MAD1L1: variants seen among roughly 807,000 people sequenced by gnomAD.
The protein encoded by MAD1L1 is mitotic spindle assembly checkpoint protein MAD1.
A neutral mutation model predicts 96.9 loss-of-function variants in MAD1L1; 95 were observed. The ratio of observed to expected loss-of-function variants is 0.98; its 90% CI spans 0.83 to 1.16. The LOEUF (loss-of-function observed/expected upper bound fraction) is 1.16, where lower values mean the gene tolerates loss of function less well. Ranked by LOEUF, MAD1L1 falls within the 50% of genes most tolerant of loss-of-function variation. MAD1L1 has a pLI of 0.00. For missense variants in MAD1L1, 1,007 were observed against 954.4 expected, an observed-to-expected ratio of 1.06 and a Z score of -0.73; for synonymous variants, 473 against 396.6, an observed-to-expected ratio of 1.19 and a Z score of -2.29.
At chr7:2,117,965 T>C (rs1282312163) in intron 11 of MAD1L1, among the ~76,000 whole-genome samples, 2 of 152,172 alleles carry the variant, frequency 1.3e-5, no homozygotes, top group African/African-American at 2.4e-5. Flanking sequence ...CCCAGTCCCT[T>C]GCACAGCAAT....
chr7:2,167,172 G>A lies in MAD1L1; in HGVS notation c.987-17934C>T, dbSNP rs145693824. ...AACGGAGGTGCTGCTGCAAGTGGGC[G>A]CAGTAGCAGGCAGGTCAGGGAAAAC... On this transcript the variant is annotated intron_variant, in intron 10 of 18. Coordinates refer to ENST00000265854, the MANE Select transcript of MAD1L1 (RefSeq NM_001013836.2). 7.2e-3 allele frequency among the ~76,000 whole-genome samples: 1,089 copies of A among 152,274 alleles called. 6 individuals carry two copies. Among genetic ancestry groups the A allele is most frequent in the South Asian group, 0.019 (94 of 4,828 alleles).
At chr7:1,974,359 C>T (rs1295918659) in intron 15 of MAD1L1, among the ~76,000 whole-genome samples, 1 of 152,160 alleles carries the variant, frequency 6.6e-6, no homozygotes, top group Non-Finnish European at 1.5e-5. Flanking sequence ...GAGTAAGGTC[C>T]AACACTGGCA....
chr7:2,054,305 G>T (rs191283212), intron 12 of MAD1L1, among the ~76,000 whole-genome samples: 4 of 152,228 alleles, frequency 2.6e-5, no homozygotes, highest in Non-Finnish European at 5.9e-5. Flanking sequence ...CAGAGACGGC[G>T]GTCGGGCGCA....
At position 2,218,489 on chromosome 7, in the gene MAD1L1, C is replaced by CA. The variant is rs545829500; in HGVS notation, c.597-447_597-446insT. Among the ~76,000 whole-genome samples, 371 of 152,320 alleles carry CA rather than the reference C, an allele frequency of 2.4e-3. 1 individual carries two copies. The highest frequency in any genetic ancestry group is 3.9e-3 in the Admixed American group (60 of 15,306). ...AAGGGTCCAAGTCTGCAGGAGATGC[C>CA]CACAGTCTCCTGACTGCACCTCCAG... is the stretch of plus-strand genomic sequence containing the variant. On this transcript the variant is annotated intron_variant, in intron 6 of 18. Coordinates refer to ENST00000265854, the MANE Select transcript of MAD1L1 (RefSeq NM_001013836.2).
At chr7:1,999,624 G>C (rs1781703112) in intron 14 of MAD1L1, among the ~76,000 whole-genome samples, 2 of 152,166 alleles carry the variant, frequency 1.3e-5, no homozygotes, top group African/African-American at 4.8e-5. Context: ...GCAACCTGCT[G>C]GCCCCAGCCC....
intron 18 of MAD1L1, among the ~76,000 whole-genome samples, chr7:1,877,525 A>G (rs1455167926): frequency 3.3e-5 from 5 of 152,034 alleles, no homozygotes; most frequent in African/African-American, 1.2e-4. Context: ...AAAAGAAAAC[A>G]AATGACAAGA....
In MAD1L1 at chr7:2,222,844, C is replaced by T. The variant is rs561552095; in HGVS notation, c.292-90G>A. 247 of 1,118,330 alleles carry T rather than the reference C, an allele frequency of 2.2e-4. 2 individuals carry two copies. The African/African-American group carries it at 3.3e-3, about 15-fold the overall frequency. 69.3% of individuals were successfully genotyped at this position (1,118,330 alleles called of 1,614,324 possible). ...CCCCCACACCTCTCTCAGAACATGCCGAGGCACAAAAAAGAGCCGAGCAGG... is the reference window on the plus strand; with the variant it reads ...CCCCCACACCTCTCTCAGAACATGCTGAGGCACAAAAAAGAGCCGAGCAGG... On this transcript the variant is annotated intron_variant, in intron 4 of 18. Transcript: ENST00000265854.
At chr7:2,005,976 C>A (rs73672006) in intron 13 of MAD1L1, among the ~76,000 whole-genome samples, 2 of 151,916 alleles carry the variant, frequency 1.3e-5, no homozygotes, top group Non-Finnish European at 2.9e-5. Context: ...GCAGAGGGGC[C>A]GGAATTCCAG....
chr7:1,896,306 G>A (rs1786865353), intron 18 of MAD1L1, among the ~76,000 whole-genome samples: 1 of 152,242 alleles, frequency 6.6e-6, no homozygotes, highest in Non-Finnish European at 1.5e-5. Flanking sequence ...TCCTGCCATG[G>A]CTGGGATCCT....
chr7:1,989,003 T>C (rs1441210787), intron 14 of MAD1L1, among the ~76,000 whole-genome samples: 1 of 152,186 alleles, frequency 6.6e-6, no homozygotes, highest in Non-Finnish European at 1.5e-5. Flanking sequence ...TTATATCACA[T>C]ACCTGAGAAG....
intron 12 of MAD1L1, among the ~76,000 whole-genome samples, chr7:2,051,233 G>T (rs1180836923): frequency 6.6e-6 from 1 of 152,182 alleles, no homozygotes; most frequent in African/African-American, 2.4e-5. Context: ...TGTGCCAGCT[G>T]GATGATGCCT....
intron 10 of MAD1L1, among the ~76,000 whole-genome samples, chr7:2,191,824 A>C (rs1355776335): frequency 6.6e-6 from 1 of 152,132 alleles, no homozygotes; most frequent in Non-Finnish European, 1.5e-5. Context: ...TGAGGTCAGG[A>C]GTTCGAGATC....
At chr7:2,020,012 A>G (rs964807012) in intron 12 of MAD1L1, among the ~76,000 whole-genome samples, 7 of 152,290 alleles carry the variant, frequency 4.6e-5, no homozygotes, top group Admixed American at 1.3e-4. Context: ...AGCACACGTT[A>G]CCTCATTTGA....
chr7:2,184,762 G>A (rs1333353811), intron 10 of MAD1L1, among the ~76,000 whole-genome samples: 1 of 152,222 alleles, frequency 6.6e-6, no homozygotes, highest in Non-Finnish European at 1.5e-5. Flanking sequence ...AGCACTTTGG[G>A]AGGCTGAGGC....
intron 12 of MAD1L1, among the ~76,000 whole-genome samples, chr7:2,032,766 G>T (rs1439011193): frequency 6.6e-6 from 1 of 152,200 alleles, no homozygotes; most frequent in African/African-American, 2.4e-5. Context: ...CTAGCAAGTG[G>T]TGAGGGGGGT....
intron 15 of MAD1L1, among the ~76,000 whole-genome samples, chr7:1,979,172 C>T (rs546022441): frequency 2.1e-3 from 318 of 152,272 alleles, no homozygotes; most frequent in Non-Finnish European, 2.8e-3. Context: ...GCTGCTGCCG[C>T]GGGGGGTCCA....
At chr7:1,998,468 T>C (rs1278024373) in intron 14 of MAD1L1, among the ~76,000 whole-genome samples, 2 of 152,220 alleles carry the variant, frequency 1.3e-5, no homozygotes, top group Non-Finnish European at 2.9e-5. Context: ...CCTGGCCTCC[T>C]GCACATGCAG....
chr7:2,057,060 G>A (rs890018223), intron 12 of MAD1L1, among the ~76,000 whole-genome samples: 22 of 152,266 alleles, frequency 1.4e-4, no homozygotes, highest in East Asian at 1.9e-4. Flanking sequence ...CCTGACACAC[G>A]AGCCCTAAAG....
chr7:1,924,358 C>T (rs1310427340), intron 17 of MAD1L1, among the ~76,000 whole-genome samples: 2 of 152,214 alleles, frequency 1.3e-5, no homozygotes, highest in African/African-American at 2.4e-5. Flanking sequence ...ACTTAAAACA[C>T]CACCACACTT....
Sources: allele counts gnomAD v4.1 joint callset (sites outside exome capture counted in the v4.1 genomes callset), GRCh38; gene constraint gnomAD v4.1.1; transcripts MANE v1.5; gene names NCBI Gene and HGNC (gene_info 2026-07-23, HGNC 2026-07-21).